The following AGTPBP1 variants were observed in gnomAD, a reference collection of about 807,000 sequenced individuals.
AGTPBP1 encodes cytosolic carboxypeptidase 1.
A neutral mutation model predicts 143.9 loss-of-function variants in AGTPBP1; 70 were observed. The ratio of observed to expected loss-of-function variants is 0.49; its 90% CI spans 0.40 to 0.59. The LOEUF is 0.59. Ranked by LOEUF, AGTPBP1 falls within the 20% of genes least tolerant of loss-of-function variation. The probability of loss-of-function intolerance (pLI) is 0.00; values close to 1 mark genes in which losing one functional copy is unlikely to be tolerated. For missense variants in AGTPBP1, 1,229 were observed against 1,464.5 expected, an observed-to-expected ratio of 0.84 and a Z score of 2.62; for synonymous variants, 463 against 500.2, an observed-to-expected ratio of 0.93 and a Z score of 0.99.
At chr9:85,772,834 AG>A in the AGTPBP1 span, among the ~76,000 whole-genome samples, 1 of 152,236 alleles carries the variant, frequency 6.6e-6, no homozygotes, top group Admixed American at 6.5e-5. Flanking sequence ...GGAATTGTCT[AG>A]ATGTTTCAAG....
chr9:85,629,003 C>A (rs1831486378), intron 14 of AGTPBP1, among the ~76,000 whole-genome samples: 1 of 152,182 alleles, frequency 6.6e-6, no homozygotes, highest in Non-Finnish European at 1.5e-5. Flanking sequence ...GCATGAGCCA[C>A]CACGCCCAGC....
chr9:85,608,202 A>C (rs1369135456), intron 17 of AGTPBP1, among the ~76,000 whole-genome samples: 1 of 152,134 alleles, frequency 6.6e-6, no homozygotes, highest in Non-Finnish European at 1.5e-5. Flanking sequence ...TAGAATAAAA[A>C]ATATTTAATG....
At chr9:85,656,297 T>A (rs1833506513) in intron 10 of AGTPBP1, among the ~76,000 whole-genome samples, 1 of 152,218 alleles carries the variant, frequency 6.6e-6, no homozygotes, top group Non-Finnish European at 1.5e-5. Context: ...TTTTCACATC[T>A]GACCTGTCAA....
intron 17 of AGTPBP1, among the ~76,000 whole-genome samples, chr9:85,608,474 C>A (rs907843143): frequency 2.6e-5 from 4 of 151,910 alleles, no homozygotes; most frequent in Admixed American, 2.6e-4. Flanking sequence ...ATCTAAATGT[C>A]AAATGTCTCA....
chr9:85,663,784 A>C (rs1313540629), intron 8 of AGTPBP1, among the ~76,000 whole-genome samples: 1 of 151,950 alleles, frequency 6.6e-6, no homozygotes, highest in Non-Finnish European at 1.5e-5. Context: ...TTCTACTCCT[A>C]GATATCTATT....
In AGTPBP1 at chr9:85,690,687, G is replaced by A. The variant is rs544153973; in HGVS notation, c.157+2002C>T. 5.5e-5 allele frequency among the ~76,000 whole-genome samples: 8 copies of A among 145,742 alleles called. No homozygotes were observed. In the East Asian group the frequency reaches 1.6e-3, roughly 30 times the overall value. ...GAGGGTCATTCTCTGATAGCGGTAT[G>A]GTCAGGAGTATTTTCAGTGGTGGGA... is the stretch of plus-strand genomic sequence containing the variant. On this transcript the variant is annotated intron_variant, in intron 3 of 25. Transcript: ENST00000357081.
At chr9:85,662,675 CA>C (rs1386826868) in intron 8 of AGTPBP1, among the ~76,000 whole-genome samples, 1 of 152,106 alleles carries the variant, frequency 6.6e-6, no homozygotes, top group Non-Finnish European at 1.5e-5. Context: ...CTTCTTAAAA[CA>C]ATTTTGTTCC....
chr9:85,548,351 C>T (rs1238207040), intron 25 of AGTPBP1, among the ~76,000 whole-genome samples: 1 of 152,154 alleles, frequency 6.6e-6, no homozygotes, highest in Non-Finnish European at 1.5e-5. Context: ...GAGAAGTTTG[C>T]AAGACTCATC....
chr9:85,592,834 C>A, intron 18 of AGTPBP1, 130 bp from the exon 19 acceptor site: 3 of 1,076,228 alleles, frequency 2.8e-6, no homozygotes, highest in African/African-American at 1.6e-5. Flanking sequence ...ACTTAAATAC[C>A]CTATTTTAAA....
chr9:85,735,033 TA>T (rs1839149297), intron 1 of AGTPBP1, among the ~76,000 whole-genome samples: 2 of 152,060 alleles, frequency 1.3e-5, no homozygotes, highest in Non-Finnish European at 2.9e-5. Flanking sequence ...AGACTCCATC[TA>T]AAAAAATTTT....
At chr9:85,599,523 A>G (rs964839801) in intron 17 of AGTPBP1, among the ~76,000 whole-genome samples, 1 of 152,168 alleles carries the variant, frequency 6.6e-6, no homozygotes, top group African/African-American at 2.4e-5. Context: ...CTAACACTAT[A>G]TTAAATGAAC....
intron 17 of AGTPBP1, among the ~76,000 whole-genome samples, chr9:85,602,492 T>C (rs550504651): frequency 6.6e-6 from 1 of 152,136 alleles, no homozygotes; most frequent in African/African-American, 2.4e-5. Context: ...AAAGCCTACA[T>C]GACATATGGC....
the AGTPBP1 span, among the ~76,000 whole-genome samples, chr9:85,781,830 G>T: frequency 1.2e-4 from 19 of 152,058 alleles, no homozygotes; most frequent in African/African-American, 4.6e-4. Flanking sequence ...ATGTTTCCTT[G>T]TATAATCATA....
intron 6 of AGTPBP1, among the ~76,000 whole-genome samples, chr9:85,675,099 T>C (rs1228494147): frequency 6.6e-6 from 1 of 152,118 alleles, no homozygotes; most frequent in Non-Finnish European, 1.5e-5. Flanking sequence ...GGTTTCAGCA[T>C]GCTGGCCAGG....
chr9:85,572,585 T>C (rs1276830362), intron 25 of AGTPBP1, among the ~76,000 whole-genome samples: 7 of 152,220 alleles, frequency 4.6e-5, no homozygotes. Flanking sequence ...TCAAAATATA[T>C]ATACTCCTTT....
intron 14 of AGTPBP1, among the ~76,000 whole-genome samples, chr9:85,626,635 C>G (rs1025538744): frequency 6.6e-6 from 1 of 152,096 alleles, no homozygotes; most frequent in Non-Finnish European, 1.5e-5. Flanking sequence ...TATTTTATCA[C>G]AAATATAGAA....
chr9:85,800,189 C>G, the AGTPBP1 span, among the ~76,000 whole-genome samples: 165 of 152,320 alleles, frequency 1.1e-3, no homozygotes, highest in Non-Finnish European at 2.0e-3. Context: ...TGAACCTCTC[C>G]AGAAAGTAAA....
At chr9:85,662,382 A>C (rs1298656491) in intron 8 of AGTPBP1, among the ~76,000 whole-genome samples, 1 of 152,208 alleles carries the variant, frequency 6.6e-6, no homozygotes, top group Admixed American at 6.6e-5. Flanking sequence ...GTGAGTTAAA[A>C]ATAAACATTA....
the AGTPBP1 span, chr9:85,753,541 G>A: frequency 1.5e-6 from 2 of 1,334,050 alleles, no homozygotes. Context: ...ATCACCTGCG[G>A]TCAGGAGTTC....
Sources: gnomAD v4.1 joint callset for allele counts (sites outside exome capture counted in the v4.1 genomes callset) on GRCh38, gnomAD v4.1.1 for gene constraint, MANE v1.5 for transcripts, NCBI Gene and HGNC (gene_info 2026-07-23, HGNC 2026-07-21) for gene names.